The following ZNF117 variants were observed in gnomAD, a reference collection of about 807,000 sequenced individuals.
The protein encoded by ZNF117 is Krueppel-related zinc finger protein.
A neutral mutation model predicts 41.2 loss-of-function variants in ZNF117; 37 were observed. That is an observed-to-expected ratio of 0.90 (90% confidence interval 0.69 to 1.18). ZNF117 has a LOEUF of 1.18. ZNF117 is among the 50% of genes most tolerant of loss of function. The probability of loss-of-function intolerance (pLI) is 0.00; values close to 1 mark genes in which losing one functional copy is unlikely to be tolerated. For synonymous variants in ZNF117, 186 were observed against 186.6 expected (o/e 1.00, Z 0.02); for missense variants, 546 against 557.5 (o/e 0.98, Z 0.21).
chr7:64,983,528 G>C (rs1268638066), upstream of ZNF117, among the ~76,000 whole-genome samples: 1 of 152,134 alleles, frequency 6.6e-6, no homozygotes, highest in Non-Finnish European at 1.5e-5. Flanking sequence ...CTAAATGCAT[G>C]GCATTCCAGG....
intron 1 of ZNF117, among the ~76,000 whole-genome samples, chr7:64,987,530 C>A (rs1437607130): frequency 1.3e-5 from 2 of 151,898 alleles, no homozygotes; most frequent in Non-Finnish European, 2.9e-5. Context: ...AATTAATAAG[C>A]TAAATAAACC....
At chr7:64,973,024 G>A (rs945871404), downstream of ZNF117, 24 of 152,044 alleles carry the variant, frequency 1.6e-4, no homozygotes, top group Middle Eastern at 3.4e-3. Flanking sequence ...AACAGAAAAT[G>A]TTTAATCAAA....
exon 3 of ZNF117, chr7:64,977,342 A>G (rs940216678): frequency 7.0e-5 from 29 of 415,518 alleles, no homozygotes; most frequent in Non-Finnish European, 6.2e-5. Context: ...GAATTATCTT[A>G]TATGTAGAAA....
At chr7:64,972,790 A>C (rs1785803281), downstream of ZNF117, 1 of 152,094 alleles carries the variant, frequency 6.6e-6, no homozygotes, top group African/African-American at 2.4e-5. Flanking sequence ...TGACAATGTC[A>C]CATACTCTGA....
rs768116958 is a variant in ZNF117 at position 64,978,292 on chromosome 7, TAA to T, written c.1277_1278del (p.Phe426Ter). 8.1e-6 allele frequency: 13 copies of T among 1,596,654 alleles called. No homozygotes were observed. The highest frequency in any genetic ancestry group is 1.7e-4 in the Middle Eastern group (1 of 6,038). On this transcript the variant is annotated frameshift_variant, in exon 3 of 3. Coordinates refer to ENST00000620222, the Ensembl canonical transcript of ZNF117. LOFTEE classifies it high-confidence loss of function. ...TGTCCAATAAGGGTTGAAGATCGGT[TAA>T]AGGCTTTGCCACATTCTTCACATTT...
At chr7:64,988,176 C>A (rs1782454613) in intron 1 of ZNF117, among the ~76,000 whole-genome samples, 1 of 152,170 alleles carries the variant, frequency 6.6e-6, no homozygotes, top group Admixed American at 6.5e-5. Flanking sequence ...AGGCCAATAT[C>A]CTTGATGACC....
chr7:64,977,321 C>T (rs1050188362), exon 3 of ZNF117: 2 of 419,638 alleles, frequency 4.8e-6, no homozygotes, highest in South Asian at 3.7e-5. Flanking sequence ...TGTAGCATTT[C>T]TCTCCAGTGT....
exon 3 of ZNF117, chr7:64,976,533 T>C (rs1489551908): frequency 5.2e-6 from 1 of 194,038 alleles, no homozygotes; most frequent in Middle Eastern, 7.6e-4. Context: ...TTGAGTAAGA[T>C]GTAAGCAGAT....
At chr7:64,989,714 T>G (rs1434194146) in intron 1 of ZNF117, among the ~76,000 whole-genome samples, 1 of 151,108 alleles carries the variant, frequency 6.6e-6, no homozygotes, top group Non-Finnish European at 1.5e-5. Flanking sequence ...CAAACTATGC[T>G]TCTGACAAAG....
At chr7:64,981,112 A>AC (rs1786021694) in intron 2 of ZNF117, 2 of 360,688 alleles carry the variant, frequency 5.5e-6, no homozygotes, top group East Asian at 1.2e-4. Context: ...ACAAAAAAAA[A>AC]CCAGTCAGAT....
chr7:64,978,907 T>C, exon 3 of ZNF117: 1 of 1,613,628 alleles, frequency 6.2e-7, no homozygotes, highest in Non-Finnish European at 8.5e-7. Context: ...TTCTCACATT[T>C]GTAGGGAATT....
At chr7:64,975,931 T>C (rs921780248) in exon 3 of ZNF117, 34 of 152,348 alleles carry the variant, frequency 2.2e-4, no homozygotes, top group Admixed American at 7.8e-4. Context: ...TGGTGTTTTC[T>C]AAGCAGTAGT....
chr7:64,977,128 C>T lies in ZNF117; in HGVS notation c.*991G>A, dbSNP rs1402324866. 4.0e-5 allele frequency: 20 copies of T among 495,966 alleles called. No homozygotes were observed. In the Admixed American group the frequency reaches 4.5e-4, roughly 11 times the overall value. 30.7% of individuals were successfully genotyped at this position (495,966 alleles called of 1,614,324 possible). Reference sequence around the variant, plus strand: ...TGTGAGAACTGTTTAAAAGCTTTACCACATTCTTTACATTTGTACAGTTTC... The same window carrying T: ...TGTGAGAACTGTTTAAAAGCTTTACTACATTCTTTACATTTGTACAGTTTC... On this transcript the variant is annotated 3_prime_UTR_variant, in exon 3 of 3. Transcript: ENST00000620222.
At chr7:64,987,037 C>T (rs1002381876), upstream of ZNF117, among the ~76,000 whole-genome samples, 1 of 152,110 alleles carries the variant, frequency 6.6e-6, no homozygotes, top group African/African-American at 2.4e-5. Flanking sequence ...AAATTGACCA[C>T]ACAATCAGAA....
upstream of ZNF117, among the ~76,000 whole-genome samples, chr7:64,986,267 A>G (rs1314671099): frequency 6.6e-6 from 1 of 152,220 alleles, no homozygotes; most frequent in Non-Finnish European, 1.5e-5. Context: ...AAAAAGGCCT[A>G]TGTCTTTCTC....
chr7:64,978,610 T>G, exon 3 of ZNF117: 1 of 1,612,492 alleles, frequency 6.2e-7, no homozygotes, highest in Non-Finnish European at 8.5e-7. Context: ...TTATGGTCAG[T>G]AAGATTTGAA....
chr7:64,979,693 G>C (rs1785983266), intron 2 of ZNF117, among the ~76,000 whole-genome samples, 157 bp from the exon 4 acceptor site: 1 of 151,904 alleles, frequency 6.6e-6, no homozygotes, highest in Non-Finnish European at 1.5e-5. Flanking sequence ...AATGTAACAA[G>C]AGCATATTGA....
intron 1 of ZNF117, among the ~76,000 whole-genome samples, chr7:64,989,476 T>A (rs1786210480): frequency 4.1e-5 from 4 of 98,366 alleles, no homozygotes; most frequent in Non-Finnish European, 8.6e-5. Flanking sequence ...TATATATATA[T>A]ATATATATAT....
chr7:64,978,490 A>T (rs748920866), exon 3 of ZNF117: 1 of 1,613,398 alleles, frequency 6.2e-7, no homozygotes, highest in Non-Finnish European at 8.5e-7. Flanking sequence ...CCACATTTGT[A>T]GGGTTTCTCT....
Sources: gnomAD v4.1 joint callset for allele counts (sites outside exome capture counted in the v4.1 genomes callset) on GRCh38, gnomAD v4.1.1 for gene constraint, MANE v1.5 for transcripts, NCBI Gene and HGNC (gene_info 2026-07-23, HGNC 2026-07-21) for gene names.